Variants in PLXDC2 observed in about 807,000 individuals in gnomAD.
PLXDC2 encodes the protein plexin domain-containing protein 2.
Under a neutral mutation model 68.9 loss-of-function variants are expected in PLXDC2, and 40 were observed. The observed-to-expected ratio is 0.58, with a 90% confidence interval of 0.45 to 0.76. PLXDC2 has a LOEUF of 0.76. Among genes scored for constraint, PLXDC2 ranks in the 30% least tolerant of loss-of-function variants. The pLI is 0.00. For missense variants in PLXDC2, 644 were observed against 661.9 expected, an observed-to-expected ratio of 0.97 and a Z score of 0.30; for synonymous variants, 243 against 234.2, an observed-to-expected ratio of 1.04 and a Z score of -0.34.
rs1254540208 is a variant in PLXDC2, at chr10:20,281,858, A to G, written c.*2039A>G. On this transcript the variant is annotated 3_prime_UTR_variant, in exon 14 of 14. Transcript: ENST00000377252. Reference sequence around the variant, plus strand: ...AACACATAGACGACTTCCTTTTAGGATAAAATGATGCTTCTTTCACTACCT... The same window carrying G: ...AACACATAGACGACTTCCTTTTAGGGTAAAATGATGCTTCTTTCACTACCT... 6.6e-6 allele frequency: 1 copy of G among 152,130 alleles called. No homozygotes were observed. Among genetic ancestry groups the G allele is most frequent in the Non-Finnish European group, 1.5e-5 (1 of 67,994 alleles). 9.4% of individuals were successfully genotyped at this position (152,130 alleles called of 1,614,324 possible).
At chr10:20,156,740 C>T (rs1387580101) in intron 6 of PLXDC2, among the ~76,000 whole-genome samples, 1 of 152,018 alleles carries the variant, frequency 6.6e-6, no homozygotes, top group African/African-American at 2.4e-5. Context: ...AGATGCATTG[C>T]TCAATACCTG....
chr10:20,189,439 TAAAC>T (rs1006112607), intron 9 of PLXDC2, among the ~76,000 whole-genome samples: 6 of 129,944 alleles, frequency 4.6e-5, no homozygotes, highest in East Asian at 2.4e-4. Context: ...AAACCATCGA[TAAAC>T]AAAGGAACAC....
At chr10:19,928,463 C>A (rs1011196001) in intron 1 of PLXDC2, among the ~76,000 whole-genome samples, 1 of 152,068 alleles carries the variant, frequency 6.6e-6, no homozygotes, top group African/African-American at 2.4e-5. Flanking sequence ...ACAAATATAC[C>A]TTTTTGTAGT....
intron 3 of PLXDC2, among the ~76,000 whole-genome samples, chr10:20,061,231 C>T (rs1203213250): frequency 6.6e-6 from 1 of 152,190 alleles, no homozygotes; most frequent in Admixed American, 6.5e-5. Flanking sequence ...CAACCTAGGA[C>T]CCATATAGCA....
At chr10:19,829,565 T>G (rs1836646491) in intron 1 of PLXDC2, among the ~76,000 whole-genome samples, 1 of 151,878 alleles carries the variant, frequency 6.6e-6, no homozygotes, top group African/African-American at 2.4e-5. Context: ...AGGCCTCTAC[T>G]AAAAATACAA....
chr10:20,079,131 A>G (rs1836505089), intron 4 of PLXDC2, among the ~76,000 whole-genome samples: 1 of 152,120 alleles, frequency 6.6e-6, no homozygotes, highest in Non-Finnish European at 1.5e-5. Flanking sequence ...CCTGGGAAAT[A>G]TTACAAGGAA....
intron 13 of PLXDC2, among the ~76,000 whole-genome samples, chr10:20,250,210 G>T (rs1028658234): frequency 6.7e-6 from 1 of 149,210 alleles, no homozygotes; most frequent in Non-Finnish European, 1.5e-5. Context: ...GGAGGTTGTA[G>T]TGAGCCAAGA....
intron 2 of PLXDC2, among the ~76,000 whole-genome samples, chr10:20,028,665 T>C (rs1199258020): frequency 6.6e-6 from 1 of 152,092 alleles, no homozygotes; most frequent in African/African-American, 2.4e-5. Flanking sequence ...CCCTCTCAAA[T>C]ACTGGCAAGT....
At chr10:20,125,786 G>T (rs2131768149) in intron 4 of PLXDC2, among the ~76,000 whole-genome samples, 1 of 151,964 alleles carries the variant, frequency 6.6e-6, no homozygotes, top group Admixed American at 6.6e-5. Flanking sequence ...TTATTTAAAG[G>T]GATTAGTTTT....
chr10:19,924,340 C>A (rs1446736345), intron 1 of PLXDC2, among the ~76,000 whole-genome samples: 2 of 152,140 alleles, frequency 1.3e-5, no homozygotes, highest in Non-Finnish European at 2.9e-5. Flanking sequence ...CCTCCCATTC[C>A]CAACCCCCTC....
At chr10:19,981,037 G>A (rs1834542165) in intron 1 of PLXDC2, among the ~76,000 whole-genome samples, 1 of 152,122 alleles carries the variant, frequency 6.6e-6, no homozygotes, top group Non-Finnish European at 1.5e-5. Context: ...TGATTTTTGT[G>A]ACAAGTATAA....
chr10:19,858,555 C>T lies in PLXDC2; in HGVS notation c.112+41364C>T, dbSNP rs966375687. Among the ~76,000 whole-genome samples, 15 of 152,182 alleles carry T rather than the reference C, an allele frequency of 9.9e-5. 1 individual carries two copies. Among genetic ancestry groups the T allele is most frequent in the Admixed American group, 7.9e-4 (12 of 15,274 alleles). ...TACCTTCAGTAGAGTCAGAAACTCT[C>T]AGGTTAATAGAAATGAATTAGTTTA... On this transcript the variant is annotated intron_variant, in intron 1 of 13. Transcript: ENST00000377252.
chr10:20,126,457 A>G lies in PLXDC2; in HGVS notation c.542-16838A>G, dbSNP rs577042512. 3.4e-4 allele frequency among the ~76,000 whole-genome samples: 36 copies of G among 106,064 alleles called. 8 individuals carry two copies. The highest frequency in any genetic ancestry group is 2.3e-4 in the East Asian group (1 of 4,362). The allele number at this position is 106,064 out of a possible 152,430, so 69.6% of individuals were successfully genotyped here. ...TACAACACACGTTATATATGTATAT[A>G]CAACACACGTTATATATGTATATAT... is the stretch of plus-strand genomic sequence containing the variant. On this transcript the variant is annotated intron_variant, in intron 4 of 13. Transcript: ENST00000377252.
intron 1 of PLXDC2, among the ~76,000 whole-genome samples, chr10:19,846,857 A>G (rs1489261659): frequency 1.3e-5 from 2 of 152,162 alleles, no homozygotes; most frequent in Non-Finnish European, 2.9e-5. Context: ...ATAAAGAAAC[A>G]GAGGTTTAAT....
chr10:20,006,432 T>C (rs887705849), intron 2 of PLXDC2, among the ~76,000 whole-genome samples: 17 of 152,200 alleles, frequency 1.1e-4, no homozygotes, highest in Middle Eastern at 3.2e-3. Context: ...GGGTCAGAAT[T>C]ATTTTGTCTC....
At chr10:20,115,895 C>T (rs1833614768) in intron 4 of PLXDC2, among the ~76,000 whole-genome samples, 1 of 152,170 alleles carries the variant, frequency 6.6e-6, no homozygotes, top group African/African-American at 2.4e-5. Flanking sequence ...TTGACTGGTG[C>T]ACTCACACAT....
intron 7 of PLXDC2, among the ~76,000 whole-genome samples, chr10:20,172,011 G>A (rs1834453503): frequency 6.6e-6 from 1 of 151,744 alleles, no homozygotes; most frequent in African/African-American, 2.4e-5. Context: ...CACTATTTGG[G>A]TGACAGAAAC....
In PLXDC2 at chr10:19,834,329, T is replaced by TAGAGAGAGAGAGAG. The variant is rs72293743; in HGVS notation, c.112+17151_112+17164dup. On this transcript the variant is annotated intron_variant, in intron 1 of 13. Coordinates refer to ENST00000377252, the MANE Select transcript of PLXDC2 (RefSeq NM_032812.9). ...ACAAAATCACAGAGAAAGAGAGAGG[T>TAGAGAGAGAGAGAG]AGAGAGAGAGAGAGAGAGAGAGAGA... Among the ~76,000 whole-genome samples, 27 of 145,310 alleles carry TAGAGAGAGAGAGAG rather than the reference T, an allele frequency of 1.9e-4. No individual in the cohort carries two copies. The East Asian group carries it at 1.9e-3, about 10-fold the overall frequency.
chr10:20,168,305 T>G (rs1481025637), intron 7 of PLXDC2, among the ~76,000 whole-genome samples: 3 of 152,156 alleles, frequency 2.0e-5, no homozygotes, highest in African/African-American at 7.2e-5. Context: ...TACCTAAAAA[T>G]GCAATGTGTA....
Sources: gnomAD v4.1 joint callset for allele counts (sites outside exome capture counted in the v4.1 genomes callset) on GRCh38, gnomAD v4.1.1 for gene constraint, MANE v1.5 for transcripts, NCBI Gene and HGNC (gene_info 2026-07-23, HGNC 2026-07-21) for gene names.